Variants in TP63 observed in about 807,000 individuals in gnomAD.
TP63 encodes tumor protein p63.
In TP63, 17 loss-of-function variants were observed where a neutral mutation model predicts 82.8. That is an observed-to-expected ratio of 0.21 (90% CI 0.14 to 0.31). The LOEUF (loss-of-function observed/expected upper bound fraction) is 0.31. TP63 is among the 10% of genes least tolerant of loss of function. TP63 has a pLI of 1.00. For missense variants in TP63, 648 were observed against 895.3 expected (o/e 0.72, Z 3.52); for synonymous variants, 330 against 321.7 (o/e 1.03, Z -0.28).
the TP63 span, among the ~76,000 whole-genome samples, chr3:189,598,933 T>C: frequency 6.6e-6 from 1 of 152,148 alleles, no homozygotes; most frequent in African/African-American, 2.4e-5. Context: ...CTTAGAGGGA[T>C]TTCCCAAGGA....
chr3:189,801,915 A>G (rs770870006), intron 3 of TP63, among the ~76,000 whole-genome samples: 2 of 152,230 alleles, frequency 1.3e-5, no homozygotes, highest in Non-Finnish European at 2.9e-5. Flanking sequence ...TGAGTGACAT[A>G]TTTTATACCT....
chr3:189,792,283 C>G (rs1025032351), intron 3 of TP63, among the ~76,000 whole-genome samples: 2 of 152,010 alleles, frequency 1.3e-5, no homozygotes, highest in African/African-American at 4.8e-5. Context: ...GCGGAGAGGC[C>G]GCAAGCAAGC....
At chr3:189,716,152 TTC>T (rs1170686636) in intron 1 of TP63, among the ~76,000 whole-genome samples, 3 of 152,226 alleles carry the variant, frequency 2.0e-5, no homozygotes, top group Non-Finnish European at 2.9e-5. Context: ...AAAACCACAT[TTC>T]TAAAAGTCAT....
At chr3:189,717,869 G>A (rs963252228) in intron 1 of TP63, among the ~76,000 whole-genome samples, 1 of 152,150 alleles carries the variant, frequency 6.6e-6, no homozygotes, top group Admixed American at 6.5e-5. Flanking sequence ...AGTAGTAACA[G>A]GAAACATATT....
chr3:189,709,506 T>C (rs1006110908), intron 1 of TP63, among the ~76,000 whole-genome samples: 1 of 152,180 alleles, frequency 6.6e-6, no homozygotes, highest in African/African-American at 2.4e-5. Flanking sequence ...TATTTTAAAT[T>C]TGTCTTATTT....
chr3:189,750,985 A>G (rs1463952890), intron 3 of TP63, among the ~76,000 whole-genome samples: 1 of 151,916 alleles, frequency 6.6e-6, no homozygotes, highest in African/African-American at 2.4e-5. Flanking sequence ...CACCCTGCTG[A>G]CAGGCCCTGA....
In TP63 at chr3:189,725,567, G is replaced by A. The variant is rs190559408; in HGVS notation, c.63-12173G>A. Among the ~76,000 whole-genome samples, 370 of 152,198 alleles carry A rather than the reference G, an allele frequency of 2.4e-3. 2 individuals carry two copies. The highest frequency in any genetic ancestry group is 8.3e-3 in the African/African-American group (346 of 41,514). On this transcript the variant is annotated intron_variant, in intron 1 of 13. Coordinates refer to ENST00000264731, the MANE Select transcript of TP63 (RefSeq NM_003722.5). ...ACTACCAAGAGTTGGAACAAATAAAGTCAGGACAGGTGAAAATATATATTT... is the reference window on the plus strand; with the variant it reads ...ACTACCAAGAGTTGGAACAAATAAAATCAGGACAGGTGAAAATATATATTT...
At chr3:189,605,564 A>C in the TP63 span, among the ~76,000 whole-genome samples, 1 of 152,188 alleles carries the variant, frequency 6.6e-6, no homozygotes, top group Non-Finnish European at 1.5e-5. Flanking sequence ...AGAGTATCTG[A>C]TTTTCTAAGC....
At chr3:189,743,523 A>G (rs949161894) in intron 3 of TP63, among the ~76,000 whole-genome samples, 2 of 143,144 alleles carry the variant, frequency 1.4e-5, no homozygotes, top group African/African-American at 5.2e-5. Flanking sequence ...CACACACACA[A>G]ACATACACAC....
intron 1 of TP63, among the ~76,000 whole-genome samples, chr3:189,696,686 G>A (rs1717404250): frequency 6.6e-6 from 1 of 152,046 alleles, no homozygotes; most frequent in African/African-American, 2.4e-5. Context: ...GAGTCCTTCT[G>A]GCCCCACATC....
At chr3:189,709,890 A>G (rs990891548) in intron 1 of TP63, among the ~76,000 whole-genome samples, 2 of 152,178 alleles carry the variant, frequency 1.3e-5, no homozygotes, top group African/African-American at 2.4e-5. Context: ...TTCTCCATCC[A>G]TAAGATGGAC....
chr3:189,886,871 C>T lies in TP63; in HGVS notation c.1507+320C>T, dbSNP rs78778881. 1.8e-3 allele frequency among the ~76,000 whole-genome samples: 274 copies of T among 152,128 alleles called. 2 individuals carry two copies. The East Asian group carries it at 0.037, about 21-fold the overall frequency. On this transcript the variant is annotated intron_variant, in intron 11 of 13. Coordinates refer to ENST00000264731, the MANE Select transcript of TP63 (RefSeq NM_003722.5). ...AGCCTTTGAAATAGTCAAAAGGAAA[C>T]AAATGCAACATGCATAAAGTAGCAT...
chr3:189,853,207 C>T (rs1715872446), intron 4 of TP63, among the ~76,000 whole-genome samples: 1 of 152,218 alleles, frequency 6.6e-6, no homozygotes, highest in South Asian at 2.1e-4. Context: ...CTTTGTTCCA[C>T]AAAGTCTGTC....
At chr3:189,720,564 G>A (rs1026852258) in intron 1 of TP63, among the ~76,000 whole-genome samples, 3 of 151,626 alleles carry the variant, frequency 2.0e-5, no homozygotes, top group South Asian at 2.1e-4. Flanking sequence ...GAGAAACCCC[G>A]TCTCTACGAA....
chr3:189,803,744 A>T (rs1187703875), intron 3 of TP63, among the ~76,000 whole-genome samples: 2 of 152,214 alleles, frequency 1.3e-5, no homozygotes, highest in Non-Finnish European at 2.9e-5. Context: ...CCAGGGTCCA[A>T]ACAGTGATTC....
intron 1 of TP63, among the ~76,000 whole-genome samples, chr3:189,693,206 G>A (rs1717082990): frequency 6.6e-6 from 1 of 152,134 alleles, no homozygotes; most frequent in African/African-American, 2.4e-5. Context: ...TACTATTTAA[G>A]GAAAGGTGAT....
chr3:189,668,351 A>G (rs973672229), intron 1 of TP63, among the ~76,000 whole-genome samples: 1 of 149,640 alleles, frequency 6.7e-6, no homozygotes, highest in African/African-American at 2.5e-5. Context: ...TTATCAAATA[A>G]AAACTTAAAG....
chr3:189,865,733 C>G (rs539348165), intron 5 of TP63, among the ~76,000 whole-genome samples: 1 of 152,190 alleles, frequency 6.6e-6, no homozygotes, highest in South Asian at 2.1e-4. Context: ...CCCACATGGC[C>G]ACATTATCCG....
chr3:189,611,627 T>C, the TP63 span, among the ~76,000 whole-genome samples: 11 of 152,326 alleles, frequency 7.2e-5, no homozygotes, highest in South Asian at 2.1e-3. Context: ...TGGGCTCTTG[T>C]TTGAATTTTA....
Sources: gnomAD v4.1 joint callset for allele counts (sites outside exome capture counted in the v4.1 genomes callset) on GRCh38, gnomAD v4.1.1 for gene constraint, MANE v1.5 for transcripts, NCBI Gene and HGNC (gene_info 2026-07-23, HGNC 2026-07-21) for gene names.